Variants in FMN2 observed in about 807,000 individuals in gnomAD.
The protein encoded by FMN2 is formin 2.
In FMN2, 51 loss-of-function variants were observed where a neutral mutation model predicts 142.3. That is an observed-to-expected ratio of 0.36 (90% CI 0.29 to 0.45). The LOEUF (loss-of-function observed/expected upper bound fraction) is 0.45. Ranked by LOEUF, FMN2 falls within the 20% of genes least tolerant of loss-of-function variation. The pLI, the probability that FMN2 is intolerant of heterozygous loss-of-function variation, is 1.00. For synonymous variants in FMN2, 882 were observed against 869.8 expected (o/e 1.01, Z -0.25); for missense variants, 1,936 against 2,122.8 (o/e 0.91, Z 1.73).
At chr1:240,326,785 C>G (rs946074182) in intron 8 of FMN2, among the ~76,000 whole-genome samples, 1 of 151,812 alleles carries the variant, frequency 6.6e-6, no homozygotes, top group Non-Finnish European at 1.5e-5. Context: ...ACCAACTGCT[C>G]TGGTAGAAAC....
intron 1 of FMN2, among the ~76,000 whole-genome samples, chr1:240,098,371 G>A (rs1369592064): frequency 6.6e-6 from 1 of 151,978 alleles, no homozygotes; most frequent in East Asian, 1.9e-4. Flanking sequence ...CCAAGTGCTA[G>A]GAGGCCTATC....
chr1:240,366,543 T>TTTC lies in FMN2; in HGVS notation c.4858+10637_4858+10638insCTT, dbSNP rs912924195. On this transcript the variant is annotated intron_variant, in intron 14 of 17. Coordinates refer to ENST00000319653, the MANE Select transcript of FMN2 (RefSeq NM_020066.5). The stretch of plus-strand genomic sequence containing the variant: ...TGTCTATCCTATTCTATCCTTTTTT[T>TTTC]TTTTTTTAAATTTGAGATGGAGTTT... 4.6e-5 allele frequency among the ~76,000 whole-genome samples: 7 copies of TTTC among 151,810 alleles called. 1 individual carries two copies. The highest frequency in any genetic ancestry group is 1.7e-4 in the African/African-American group (7 of 41,314).
chr1:240,438,760 G>A (rs1027385248), intron 16 of FMN2, among the ~76,000 whole-genome samples: 7 of 152,028 alleles, frequency 4.6e-5, no homozygotes, highest in Non-Finnish European at 8.8e-5. Flanking sequence ...TTCAGTATAT[G>A]GAATAAAGTC....
At chr1:240,259,469 C>T (rs180699150) in intron 7 of FMN2, among the ~76,000 whole-genome samples, 314 of 147,084 alleles carry the variant, frequency 2.1e-3, no homozygotes, top group African/African-American at 7.7e-3. Context: ...TGCTTTAGTC[C>T]CTTTGAAACC....
chr1:240,302,300 A>G (rs1182201084), intron 8 of FMN2, among the ~76,000 whole-genome samples: 1 of 152,102 alleles, frequency 6.6e-6, no homozygotes, highest in African/African-American at 2.4e-5. Context: ...CACATTTAAA[A>G]GATAAACCAG....
chr1:240,129,129 C>T (rs1662633213), intron 2 of FMN2, among the ~76,000 whole-genome samples: 1 of 152,012 alleles, frequency 6.6e-6, no homozygotes, highest in Admixed American at 6.6e-5. Context: ...CTGCTTTGGC[C>T]TCCCAAAGTG....
chr1:240,325,569 A>G (rs1314786387), intron 8 of FMN2, among the ~76,000 whole-genome samples: 2 of 123,882 alleles, frequency 1.6e-5, no homozygotes, highest in Non-Finnish European at 3.5e-5. Context: ...TCCAAAACTG[A>G]CACACATGGG....
chr1:240,116,446 G>C (rs1662026324), intron 1 of FMN2, among the ~76,000 whole-genome samples: 1 of 152,206 alleles, frequency 6.6e-6, no homozygotes, highest in Non-Finnish European at 1.5e-5. Context: ...GTGTTGGGTA[G>C]AGAAGCCATT....
intron 7 of FMN2, among the ~76,000 whole-genome samples, chr1:240,288,171 T>C (rs1669654391): frequency 6.6e-6 from 1 of 152,148 alleles, no homozygotes; most frequent in African/African-American, 2.4e-5. Flanking sequence ...TTCTTCTAGA[T>C]AGAGAAAGGA....
At chr1:240,291,596 T>C (rs1370415562) in intron 7 of FMN2, among the ~76,000 whole-genome samples, 1 of 152,200 alleles carries the variant, frequency 6.6e-6, no homozygotes, top group Non-Finnish European at 1.5e-5. Context: ...GTCTTCTGCT[T>C]AATCATTTAA....
Position 240,143,799 on chromosome 1 carries a change from C to T in FMN2, c.1782+20454C>T, listed in dbSNP as rs555643226. 5.3e-6 allele frequency: 8 copies of T among 1,518,812 alleles called. No individual in the cohort carries two copies. The South Asian group carries it at 9.0e-5, about 17-fold the overall frequency. The allele number at this position is 1,518,812 out of a possible 1,614,324, so 94.1% of individuals were successfully genotyped here. On this transcript the variant is annotated intron_variant, in intron 2 of 17. Transcript: ENST00000319653. ...GTTACATCTCCATTGCAGGACCCCA[C>T]TGCTATCATTCCACAGGCTAGAGCT... is the stretch of plus-strand genomic sequence containing the variant.
At chr1:240,214,651 G>C (rs1384867828) in intron 6 of FMN2, among the ~76,000 whole-genome samples, 1 of 152,128 alleles carries the variant, frequency 6.6e-6, no homozygotes, top group Non-Finnish European at 1.5e-5. Context: ...TTTAAGGAAG[G>C]CTTTAGAGCC....
chr1:240,461,160 A>G (rs1676436934), intron 16 of FMN2, among the ~76,000 whole-genome samples: 1 of 152,192 alleles, frequency 6.6e-6, no homozygotes, highest in African/African-American at 2.4e-5. Context: ...TGTGAGAGAA[A>G]ATAGTGCAAT....
Position 240,460,138 on chromosome 1 carries a change from C to T in FMN2, c.5061-12234C>T, listed in dbSNP as rs147843600. On this transcript the variant is annotated intron_variant, in intron 16 of 17. Coordinates refer to ENST00000319653, the MANE Select transcript of FMN2 (RefSeq NM_020066.5). ...TTTCAAAGATGAACGCTATAGCCCA[C>T]TGTGTTTCCACGACTACTTTTGCTT... 7.5e-3 allele frequency among the ~76,000 whole-genome samples: 1,146 copies of T among 152,326 alleles called. 14 individuals are homozygous for T. Among genetic ancestry groups the T allele is most frequent in the African/African-American group, 0.026 (1,080 of 41,560 alleles).
chr1:240,265,242 TTGACTATGA>T (rs1387846593), intron 7 of FMN2, among the ~76,000 whole-genome samples: 1 of 152,190 alleles, frequency 6.6e-6, no homozygotes, highest in Non-Finnish European at 1.5e-5. Flanking sequence ...AGTTTGCATA[TTGACTATGA>T]AATTTTTTCA....
intron 1 of FMN2, among the ~76,000 whole-genome samples, chr1:240,105,768 A>G (rs557626611): frequency 6.6e-6 from 1 of 152,316 alleles, no homozygotes; most frequent in African/African-American, 2.4e-5. Flanking sequence ...TAAATACTGT[A>G]TGATTTCCTT....
At chr1:240,429,327 A>G (rs1675058695) in intron 15 of FMN2, among the ~76,000 whole-genome samples, 1 of 152,038 alleles carries the variant, frequency 6.6e-6, no homozygotes, top group South Asian at 2.1e-4. Context: ...CAGAGCCATT[A>G]TTTTGCTCCT....
At chr1:240,211,283 G>T (rs552905348) in intron 6 of FMN2, 48 bp downstream of exon 6, 6 of 1,568,098 alleles carry the variant, frequency 3.8e-6, no homozygotes, top group Non-Finnish European at 5.2e-6. Flanking sequence ...TCTGGCATAA[G>T]TGTGAACTGT....
chr1:240,286,732 G>A (rs192456814), intron 7 of FMN2, among the ~76,000 whole-genome samples: 6 of 152,268 alleles, frequency 3.9e-5, no homozygotes, highest in Admixed American at 6.5e-5. Context: ...CCAGCAGTAC[G>A]TATTAATACA....
Sources: allele counts gnomAD v4.1 joint callset (sites outside exome capture counted in the v4.1 genomes callset), GRCh38; gene constraint gnomAD v4.1.1; transcripts MANE v1.5; gene names NCBI Gene and HGNC (gene_info 2026-07-23, HGNC 2026-07-21).